Variants in CGGBP1 observed in about 807,000 individuals in gnomAD.
The protein encoded by CGGBP1 is CGG triplet repeat-binding protein 1.
CGGBP1 carries 4 observed loss-of-function variants against 11.4 expected under a neutral mutation model. That is an observed-to-expected ratio of 0.35 (90% CI 0.17 to 0.80). The LOEUF is 0.80. Ranked by LOEUF, CGGBP1 falls within the 30% of genes least tolerant of loss-of-function variation. CGGBP1 has a pLI of 0.52. For missense variants in CGGBP1, 135 were observed against 202.1 expected (o/e 0.67, Z 2.01); for synonymous variants, 76 against 74.1 (o/e 1.03, Z -0.13).
At chr3:88,072,028 C>T (rs1361042515) in intron 2 of CGGBP1, among the ~76,000 whole-genome samples, 3 of 152,058 alleles carry the variant, frequency 2.0e-5, no homozygotes, top group Admixed American at 2.0e-4. Flanking sequence ...ATATCTTAGG[C>T]ATAAATCTAC....
At chr3:88,128,665 C>A in intron 2 of CGGBP1, 1 of 564,162 alleles carries the variant, frequency 1.8e-6, no homozygotes, top group Non-Finnish European at 3.0e-6. Flanking sequence ...TGAATATTTT[C>A]ACAAATAAAC....
At chr3:88,059,119 CA>C, upstream of CGGBP1, 2 of 1,003,208 alleles carry the variant, frequency 2.0e-6, no homozygotes, top group South Asian at 3.4e-5. Context: ...CGGGCATGAA[CA>C]TGATTGGCAG....
intron 2 of CGGBP1, among the ~76,000 whole-genome samples, chr3:88,088,656 A>G (rs187286113): frequency 6.6e-6 from 1 of 152,290 alleles, no homozygotes; most frequent in African/African-American, 2.4e-5. Flanking sequence ...ATTGATTTGT[A>G]TATATTTGAA....
intron 2 of CGGBP1, among the ~76,000 whole-genome samples, chr3:88,089,191 TAAA>T (rs11328694): frequency 1.2e-4 from 16 of 131,200 alleles, no homozygotes; most frequent in African/African-American, 2.6e-4. Context: ...GCTTACGTAT[TAAA>T]AAAAAAAAAA....
intron 2 of CGGBP1, among the ~76,000 whole-genome samples, chr3:88,069,237 C>T (rs1707369590): frequency 6.6e-6 from 1 of 152,190 alleles, no homozygotes; most frequent in South Asian, 2.1e-4. Context: ...GCCTGGCCAA[C>T]ATGGTGAAAC....
intron 2 of CGGBP1, among the ~76,000 whole-genome samples, chr3:88,069,496 A>G (rs1707388292): frequency 6.6e-6 from 1 of 152,242 alleles, no homozygotes; most frequent in African/African-American, 2.4e-5. Context: ...TAGATGAGAT[A>G]GTAACAATGG....
At chr3:88,070,840 A>G (rs1707471364) in intron 2 of CGGBP1, among the ~76,000 whole-genome samples, 1 of 152,174 alleles carries the variant, frequency 6.6e-6, no homozygotes. Context: ...AGATTAAGCA[A>G]CTACCTTAAG....
intron 2 of CGGBP1, among the ~76,000 whole-genome samples, chr3:88,118,801 C>T (rs1705572296): frequency 2.0e-5 from 3 of 152,210 alleles, no homozygotes; most frequent in Non-Finnish European, 4.4e-5. Context: ...CTCAACTGCA[C>T]TTTGACTGTG....
At chr3:88,135,373 T>G in intron 2 of CGGBP1, 1 of 420,374 alleles carries the variant, frequency 2.4e-6, no homozygotes, top group Non-Finnish European at 4.0e-6. Flanking sequence ...ACTCTCAACA[T>G]GGGAGGCTGA....
rs569220717 is a variant in CGGBP1 at position 88,112,290 on chromosome 3, T to C, written c.-229+28680A>G. ...TGTTTTGATTAAAAGCAAAAACTAT[T>C]AAAAAAACAACTTTAGGTAGTTACA... On this transcript the variant is annotated intron_variant, in intron 2 of 3. Coordinates refer to the CGGBP1 transcript ENST00000462901. Among the ~76,000 whole-genome samples, 20 of 151,484 alleles carry C rather than the reference T, an allele frequency of 1.3e-4. No individual in the cohort carries two copies. The East Asian group carries it at 3.9e-3, about 29-fold the overall frequency.
upstream of CGGBP1, among the ~76,000 whole-genome samples, chr3:88,060,712 ATAAAGT>A (rs553164307): frequency 6.8e-4 from 104 of 152,344 alleles, 1 homozygote; most frequent in African/African-American, 2.2e-3. Context: ...CAAGTAGGAA[ATAAAGT>A]TAATGAGAAA....
At chr3:88,067,878 TTTTC>T (rs1450466459) in intron 2 of CGGBP1, among the ~76,000 whole-genome samples, 28 of 151,732 alleles carry the variant, frequency 1.8e-4, no homozygotes, top group Middle Eastern at 3.4e-3. Context: ...TAAAATTTTC[TTTTC>T]TTTCTTTTTT....
chr3:88,136,590 T>A (rs1006936772), intron 2 of CGGBP1, among the ~76,000 whole-genome samples: 1 of 152,160 alleles, frequency 6.6e-6, no homozygotes, highest in African/African-American at 2.4e-5. Context: ...TACAGAGCAC[T>A]TTTTCCTCAT....
At chr3:88,068,879 C>G (rs1466168955) in intron 2 of CGGBP1, among the ~76,000 whole-genome samples, 5 of 152,016 alleles carry the variant, frequency 3.3e-5, no homozygotes, top group African/African-American at 9.7e-5. Context: ...AAAGCCAGCC[C>G]GTGCACTTAG....
chr3:88,128,518 TAATG>T (rs1706254761), intron 2 of CGGBP1, among the ~76,000 whole-genome samples: 2 of 152,092 alleles, frequency 1.3e-5, no homozygotes, highest in South Asian at 4.1e-4. Flanking sequence ...TTTAACATAT[TAATG>T]AACTGAAAGA....
intron 2 of CGGBP1, among the ~76,000 whole-genome samples, chr3:88,076,829 C>G (rs1459720367): frequency 6.6e-6 from 1 of 152,086 alleles, no homozygotes; most frequent in Non-Finnish European, 1.5e-5. Context: ...TTTAAAATGA[C>G]CTGCTATTCA....
At chr3:88,138,227 T>A (rs1339907939) in intron 2 of CGGBP1, among the ~76,000 whole-genome samples, 1 of 152,154 alleles carries the variant, frequency 6.6e-6, no homozygotes, top group African/African-American at 2.4e-5. Context: ...TAAGTAATAT[T>A]TTTTCATATA....
intron 2 of CGGBP1, chr3:88,128,790 T>C (rs1216971677): frequency 6.7e-7 from 1 of 1,495,928 alleles, no homozygotes; most frequent in Non-Finnish European, 9.0e-7. Flanking sequence ...TAATAGAGTC[T>C]GTTTTCTTTT....
intron 2 of CGGBP1, chr3:88,139,829 A>T: frequency 2.5e-6 from 4 of 1,571,504 alleles, no homozygotes; most frequent in Non-Finnish European, 3.5e-6. Flanking sequence ...TGAATCAAGA[A>T]ACTTCAGTAA....
Sources: allele counts gnomAD v4.1 joint callset (sites outside exome capture counted in the v4.1 genomes callset), GRCh38; gene constraint gnomAD v4.1.1; transcripts MANE v1.5; gene names NCBI Gene and HGNC (gene_info 2026-07-23, HGNC 2026-07-21).